TAFA2: variants seen among roughly 807,000 people sequenced by gnomAD.
TAFA2 encodes chemokine-like protein TAFA-2.
A neutral mutation model predicts 18.8 loss-of-function variants in TAFA2; 7 were observed. The observed-to-expected ratio is 0.37, with a 90% CI of 0.21 to 0.70. TAFA2 has a LOEUF of 0.70. Among genes scored for constraint, TAFA2 ranks in the 30% least tolerant of loss-of-function variants. TAFA2 has a pLI of 0.53. For missense variants in TAFA2, 122 were observed against 158.1 expected (o/e 0.77, Z 1.23); for synonymous variants, 60 against 54.2 (o/e 1.11, Z -0.47).
At chr12:61,966,523 A>G (rs962839850) in intron 1 of TAFA2, among the ~76,000 whole-genome samples, 1 of 151,916 alleles carries the variant, frequency 6.6e-6, no homozygotes. Flanking sequence ...TGAAGAGGAC[A>G]TATTCAAACC....
intron 1 of TAFA2, among the ~76,000 whole-genome samples, chr12:62,169,284 T>C (rs2136938798): frequency 6.6e-6 from 1 of 152,286 alleles, no homozygotes; most frequent in South Asian, 2.1e-4. Context: ...ACACATCTAG[T>C]AAGCAATGGA....
At chr12:62,220,755 A>G (rs1244343765) in intron 1 of TAFA2, among the ~76,000 whole-genome samples, 3 of 151,848 alleles carry the variant, frequency 2.0e-5, no homozygotes, top group Non-Finnish European at 2.9e-5. Flanking sequence ...AAAACTGCTA[A>G]AAAAAAATAG....
At chr12:61,789,324 G>T (rs147882366) in intron 2 of TAFA2, among the ~76,000 whole-genome samples, 395 of 151,976 alleles carry the variant, frequency 2.6e-3, no homozygotes, top group African/African-American at 9.1e-3. Context: ...TTTGTATAAG[G>T]CACAAGGAAG....
At chr12:62,112,768 A>T (rs1181382057) in intron 1 of TAFA2, among the ~76,000 whole-genome samples, 1 of 151,856 alleles carries the variant, frequency 6.6e-6, no homozygotes, top group East Asian at 1.9e-4. Flanking sequence ...CCACTTGATC[A>T]ATTTGGCTAT....
At chr12:62,128,650 A>G (rs1156263168) in intron 1 of TAFA2, among the ~76,000 whole-genome samples, 2 of 152,022 alleles carry the variant, frequency 1.3e-5, no homozygotes, top group Admixed American at 1.3e-4. Context: ...ATAGCTGTGC[A>G]GGATGGCAAG....
intron 1 of TAFA2, among the ~76,000 whole-genome samples, chr12:62,216,521 C>T (rs2062736629): frequency 6.6e-6 from 1 of 152,158 alleles, no homozygotes; most frequent in Admixed American, 6.5e-5. Context: ...AAAAAACAGA[C>T]ATATCTTGGA....
intron 1 of TAFA2, among the ~76,000 whole-genome samples, chr12:61,900,615 C>T (rs1284042207): frequency 6.6e-6 from 1 of 152,152 alleles, no homozygotes; most frequent in African/African-American, 2.4e-5. Context: ...CCCATATAAA[C>T]CCATCAGATC....
chr12:61,795,629 G>A (rs12810369), intron 2 of TAFA2, among the ~76,000 whole-genome samples: 47,430 of 151,494 alleles, frequency 0.31, 7,591 homozygotes, highest in South Asian at 0.4. Context: ...TAATGTAAAT[G>A]ACGAGTTAAT....
intron 2 of TAFA2, among the ~76,000 whole-genome samples, chr12:61,865,317 T>G (rs990085588): frequency 3.3e-5 from 5 of 152,154 alleles, no homozygotes; most frequent in Non-Finnish European, 7.3e-5. Context: ...TTTATGAACA[T>G]GCGCTACAAC....
At chr12:61,955,633 ATATATATATATATATATATATAT>A (rs1197682294) in intron 1 of TAFA2, among the ~76,000 whole-genome samples, 8 of 8,772 alleles carry the variant, frequency 9.1e-4, no homozygotes, top group Admixed American at 2.4e-3. Flanking sequence ...AAAAAAAAAA[ATATATATATATATATATATATAT>A]ATATATATAT....
chr12:61,774,225 G>A (rs1057185287), intron 2 of TAFA2, among the ~76,000 whole-genome samples: 2 of 151,918 alleles, frequency 1.3e-5, no homozygotes, highest in Admixed American at 6.6e-5. Flanking sequence ...TACACTGCTA[G>A]TGGAAATGTA....
At chr12:61,959,030 T>C (rs761220526) in intron 1 of TAFA2, among the ~76,000 whole-genome samples, 14 of 152,044 alleles carry the variant, frequency 9.2e-5, no homozygotes, top group Non-Finnish European at 2.1e-4. Context: ...ATCATATTCT[T>C]TATTTCATAT....
intron 1 of TAFA2, among the ~76,000 whole-genome samples, chr12:62,065,516 A>G (rs1194276748): frequency 6.6e-6 from 1 of 152,070 alleles, no homozygotes; most frequent in African/African-American, 2.4e-5. Context: ...TCCAAATCAT[A>G]ATCAGTATTG....
chr12:61,808,000 T>C (rs1236011943), intron 2 of TAFA2, among the ~76,000 whole-genome samples: 5 of 151,570 alleles, frequency 3.3e-5, no homozygotes, highest in Admixed American at 6.6e-5. Context: ...TGAAATTAGT[T>C]AAGACTTTGG....
rs1008356898 is a variant in TAFA2 at position 61,777,030 on chromosome 12, T to C, written c.107-22006A>G. Among the ~76,000 whole-genome samples the C allele has an allele frequency of 2.0e-5, 3 of 151,886 alleles. No individual in the cohort carries two copies. In the South Asian group the frequency reaches 6.2e-4, roughly 31 times the overall value. The stretch of plus-strand genomic sequence containing the variant: ...CAAGCGGCATTCCAGGAATTAATTT[T>C]CTTGAAAAGATCCCTGGTGTTAGTT... On this transcript the variant is annotated intron_variant, in intron 2 of 4. Coordinates refer to ENST00000416284, the MANE Select transcript of TAFA2 (RefSeq NM_178539.5).
intron 1 of TAFA2, chr12:61,879,969 G>C: frequency 1.2e-6 from 1 of 859,816 alleles, no homozygotes; most frequent in Non-Finnish European, 2.0e-6. Flanking sequence ...CACCTGGAAG[G>C]GCTGACTGAT....
At position 61,867,355 on chromosome 12, in the gene TAFA2, C is replaced by A; in HGVS notation, c.71G>T (p.Trp24Leu). 6.2e-7 allele frequency: 1 copy of A among 1,609,532 alleles called. No individual in the cohort carries two copies. The highest frequency in any genetic ancestry group is 8.5e-7 in the Non-Finnish European group (1 of 1,177,370). The part of the protein sequence containing the change: ...LLIIIFIVTL[W>L]GKVVSSANHH... The stretch of plus-strand genomic sequence containing the variant: ...GTTTGCACTGGATACAACTTTCCCC[C>A]ACAAGGTTACAATAAATATTATTAT... Residue 24 changes from tryptophan (W) to leucine (L), a missense_variant, in exon 2 of 5, where the codon TGG (tryptophan) becomes TTG (leucine). Around this residue, in one of 2 missense-constraint regions of TAFA2, gnomAD observed 62 missense variants for 55.5 expected, o/e 1.12. Coordinates refer to ENST00000416284, the MANE Select transcript of TAFA2 (RefSeq NM_178539.5).
chr12:62,019,774 C>A (rs1362953893), intron 1 of TAFA2, among the ~76,000 whole-genome samples: 1 of 151,698 alleles, frequency 6.6e-6, no homozygotes, highest in Non-Finnish European at 1.5e-5. Flanking sequence ...ACATATGTAA[C>A]AAACCTGCAC....
intron 1 of TAFA2, among the ~76,000 whole-genome samples, chr12:61,958,987 C>T (rs775785610): frequency 9.9e-5 from 15 of 151,766 alleles, no homozygotes; most frequent in African/African-American, 2.7e-4. Context: ...AAATTGCAGC[C>T]GCTATATTTG....
Sources: allele counts gnomAD v4.1 joint callset (sites outside exome capture counted in the v4.1 genomes callset), GRCh38; gene constraint gnomAD v4.1.1; regional missense constraint gnomAD v4.1.1; transcripts MANE v1.5; gene names NCBI Gene and HGNC (gene_info 2026-07-23, HGNC 2026-07-21).